Variants in C7orf57 observed in about 807,000 individuals in gnomAD.
C7orf57 encodes the protein chromosome 7 open reading frame 57, also known as uncharacterized protein C7orf57.
In C7orf57, 33 loss-of-function variants were observed where a neutral mutation model predicts 39.0. The observed-to-expected ratio is 0.85, with a 90% CI of 0.64 to 1.13. C7orf57 has a LOEUF of 1.13. Among genes scored for constraint, C7orf57 ranks in the 50% most tolerant of loss-of-function variants. The pLI is 0.00. For synonymous variants in C7orf57, 124 were observed against 137.1 expected, an observed-to-expected ratio of 0.90 and a Z score of 0.67; for missense variants, 346 against 362.3, an observed-to-expected ratio of 0.95 and a Z score of 0.37.
intron 6 of C7orf57, among the ~76,000 whole-genome samples, chr7:48,051,809 TTTC>T (rs1790920265): frequency 1.2e-5 from 1 of 83,732 alleles, no homozygotes; most frequent in African/African-American, 5.1e-5. Flanking sequence ...CTTCCTTCCT[TTTC>T]TCTTCTCTTT....
intron 8 of C7orf57, among the ~76,000 whole-genome samples, chr7:48,058,786 A>T (rs1305277985): frequency 6.6e-6 from 1 of 152,184 alleles, no homozygotes; most frequent in East Asian, 1.9e-4. Context: ...ATTATTCTGC[A>T]TTGTCTTAAG....
chr7:48,051,857 TTCTTTCTTTCTTTC>T (rs767025915), intron 6 of C7orf57, among the ~76,000 whole-genome samples: 6 of 84,208 alleles, frequency 7.1e-5, no homozygotes, highest in East Asian at 2.5e-4. Flanking sequence ...CTTTCTTTCT[TTCTTTCTTTCTTTC>T]TCTTTCTCTT....
intron 4 of C7orf57, among the ~76,000 whole-genome samples, chr7:48,045,134 G>A (rs1483145036): frequency 1.3e-5 from 2 of 152,128 alleles, no homozygotes; most frequent in East Asian, 3.9e-4. Flanking sequence ...CGTCCTCCTG[G>A]GACCTTGTCC....
At chr7:48,048,129 G>A (rs2128794390) in intron 5 of C7orf57, among the ~76,000 whole-genome samples, 1 of 152,352 alleles carries the variant, frequency 6.6e-6, no homozygotes, top group African/African-American at 2.4e-5. Context: ...TGGGGAAGGA[G>A]ATAGGATGAC....
At chr7:48,058,828 A>T (rs1791202556) in intron 8 of C7orf57, among the ~76,000 whole-genome samples, 1 of 152,246 alleles carries the variant, frequency 6.6e-6, no homozygotes, top group South Asian at 2.1e-4. Flanking sequence ...TTGACAAAGT[A>T]TTACATATTA....
intron 5 of C7orf57, among the ~76,000 whole-genome samples, chr7:48,047,610 C>T (rs746881915): frequency 3.5e-4 from 53 of 152,208 alleles, no homozygotes; most frequent in Non-Finnish European, 6.0e-4. Context: ...TTTAAGATCT[C>T]CATGTCCGGC....
At chr7:48,048,861 A>C (rs1199628196) in intron 5 of C7orf57, among the ~76,000 whole-genome samples, 1 of 152,100 alleles carries the variant, frequency 6.6e-6, no homozygotes, top group African/African-American at 2.4e-5. Context: ...CTTAAAAAAA[A>C]CCGCCTAAAT....
At chr7:48,039,827 GC>G (rs1790493670) in intron 2 of C7orf57, among the ~76,000 whole-genome samples, 1 of 47,356 alleles carries the variant, frequency 2.1e-5, no homozygotes, top group Non-Finnish European at 4.2e-5. Flanking sequence ...TGAACATACT[GC>G]CCCTGTGACA....
chr7:48,049,239 C>T (rs1790804675), intron 5 of C7orf57, among the ~76,000 whole-genome samples: 1 of 152,206 alleles, frequency 6.6e-6, no homozygotes. Flanking sequence ...CTAAAGAAAA[C>T]CTGTCTTTGA....
At position 48,060,489 on chromosome 7, in the gene C7orf57, AC is replaced by A. The variant is rs1425572256; in HGVS notation, c.*218del. 1 of 423,824 alleles carries A rather than the reference AC, an allele frequency of 2.4e-6. No homozygotes were observed. Among genetic ancestry groups the A allele is most frequent in the East Asian group, 3.8e-5 (1 of 26,524 alleles). 26.3% of individuals were successfully genotyped at this position (423,824 alleles called of 1,614,324 possible). ...GGGATGTGAAACACTTGGCTAACAAACACAACTAAGGCCTCTGGTACCCTCT... is the reference window on the plus strand; with the variant it reads ...GGGATGTGAAACACTTGGCTAACAAAACAACTAAGGCCTCTGGTACCCTCT... On this transcript the variant is annotated 3_prime_UTR_variant, in exon 9 of 9. Coordinates refer to ENST00000348904, the MANE Select transcript of C7orf57 (RefSeq NM_001100159.3).
intron 5 of C7orf57, among the ~76,000 whole-genome samples, chr7:48,049,639 T>A (rs555803013): frequency 2.6e-5 from 4 of 152,322 alleles, no homozygotes; most frequent in African/African-American, 7.2e-5. Context: ...TTTTTCCTCC[T>A]GAGCAGATGG....
At chr7:48,036,171 C>T in intron 1 of C7orf57, 37 bp from the exon 2 acceptor site, 2 of 860,958 alleles carry the variant, frequency 2.3e-6, no homozygotes, top group Non-Finnish European at 3.8e-6. Context: ...GGCGTACAGA[C>T]CGACCCAGAG....
chr7:48,059,548 G>A (rs778776185), intron 8 of C7orf57, among the ~76,000 whole-genome samples: 4 of 152,050 alleles, frequency 2.6e-5, no homozygotes, highest in East Asian at 1.9e-4. Flanking sequence ...ACGAGGTTTC[G>A]CCATGTGGCC....
chr7:48,043,168 C>A (rs1398976303), intron 3 of C7orf57, among the ~76,000 whole-genome samples: 1 of 152,102 alleles, frequency 6.6e-6, no homozygotes, highest in Non-Finnish European at 1.5e-5. Context: ...GAGGGATGGG[C>A]CCCCTCCAGG....
chr7:48,036,221 C>A lies in C7orf57; in HGVS notation c.-88C>A. On this transcript the variant is annotated 5_prime_UTR_variant, in exon 2 of 9. Coordinates refer to ENST00000348904, the MANE Select transcript of C7orf57 (RefSeq NM_001100159.3). ...TTGCTTTTGCAGCTGCAGCTCCTGGCAACTGGTCAAGCAGGCAGCGTCCAG... is the reference window on the plus strand; with the variant it reads ...TTGCTTTTGCAGCTGCAGCTCCTGGAAACTGGTCAAGCAGGCAGCGTCCAG... 7.0e-7 allele frequency: 1 copy of A among 1,423,204 alleles called. No homozygotes were observed. Among genetic ancestry groups the A allele is most frequent in the Non-Finnish European group, 9.7e-7 (1 of 1,030,486 alleles). 88.2% of individuals were successfully genotyped at this position (1,423,204 alleles called of 1,614,324 possible).
chr7:48,036,192 G>T lies in C7orf57; in HGVS notation c.-101-16G>T, dbSNP rs71547874. ...CAGACCGACCCAGAGCGGGCGCGCG[G>T]ATTTTGCTTTTGCAGCTGCAGCTCC... is the stretch of plus-strand genomic sequence containing the variant. On this transcript the variant is annotated splice_polypyrimidine_tract_variant and intron_variant, in intron 1 of 8. Transcript: ENST00000348904. 9,659 of 1,138,360 alleles carry T rather than the reference G, an allele frequency of 8.5e-3. 73 individuals are homozygous for T. Among genetic ancestry groups the T allele is most frequent in the Non-Finnish European group, 0.011 (8,487 of 771,094 alleles). The allele number at this position is 1,138,360 out of a possible 1,614,324, so 70.5% of individuals were successfully genotyped here. A position where few individuals can be genotyped will look rare whatever the true frequency, so the allele number is the denominator to read the frequency against.
chr7:48,050,442 C>T (rs1036241879), intron 6 of C7orf57, among the ~76,000 whole-genome samples: 10 of 152,178 alleles, frequency 6.6e-5, no homozygotes, highest in Admixed American at 5.9e-4. Flanking sequence ...TGCTGATCCT[C>T]CAGCTGCAGA....
At chr7:48,053,494 C>T (rs953213731) in intron 7 of C7orf57, among the ~76,000 whole-genome samples, 3 of 151,784 alleles carry the variant, frequency 2.0e-5, no homozygotes, top group Non-Finnish European at 4.4e-5. Context: ...CTCTGTTGTC[C>T]TGGCTGGAGT....
intron 8 of C7orf57, among the ~76,000 whole-genome samples, chr7:48,057,820 T>A (rs890935182): frequency 2.0e-5 from 3 of 152,210 alleles, no homozygotes; most frequent in East Asian, 1.9e-4. Flanking sequence ...GAGTTTTTTT[T>A]ATCATAAAAG....
Sources: gnomAD v4.1 joint callset for allele counts (sites outside exome capture counted in the v4.1 genomes callset) on GRCh38, gnomAD v4.1.1 for gene constraint, MANE v1.5 for transcripts, NCBI Gene and HGNC (gene_info 2026-07-23, HGNC 2026-07-21) for gene names.